Variants in CCDC6 observed in about 807,000 individuals in gnomAD.
CCDC6 encodes the protein coiled-coil domain containing 6.
CCDC6 carries 20 observed loss-of-function variants against 56.6 expected under a neutral mutation model. The ratio of observed to expected loss-of-function variants is 0.35; its 90% CI spans 0.25 to 0.51. The LOEUF (loss-of-function observed/expected upper bound fraction) is 0.51, where lower values mean the gene tolerates loss of function less well. Ranked by LOEUF, CCDC6 falls within the 20% of genes least tolerant of loss-of-function variation. The pLI, the probability that CCDC6 is intolerant of heterozygous loss-of-function variation, is 0.95. For missense variants in CCDC6, 367 were observed against 601.1 expected (o/e 0.61, Z 4.07); for synonymous variants, 241 against 234.4 (o/e 1.03, Z -0.26).
At chr10:59,804,288 G>T in intron 7 of CCDC6, 132 bp downstream of exon 7, 1 of 610,276 alleles carries the variant, frequency 1.6e-6, no homozygotes, top group Non-Finnish European at 3.0e-6. Context: ...ATGAGTTTTT[G>T]ATGTTTTTGA....
chr10:59,852,486 T>G, intron 2 of CCDC6, 67 bp downstream of exon 2: 2 of 1,354,444 alleles, frequency 1.5e-6, no homozygotes, highest in Non-Finnish European at 2.0e-6. Context: ...AAGTGCTATA[T>G]CAAAGTCATT....
intron 2 of CCDC6, among the ~76,000 whole-genome samples, chr10:59,834,363 T>C (rs999174766): frequency 4.1e-5 from 6 of 145,114 alleles, no homozygotes; most frequent in Non-Finnish European, 5.9e-5. Flanking sequence ...TGAAACCCTG[T>C]CTCTACTAAA....
At chr10:59,903,124 A>G (rs1272291047) in intron 1 of CCDC6, among the ~76,000 whole-genome samples, 1 of 152,128 alleles carries the variant, frequency 6.6e-6, no homozygotes, top group Non-Finnish European at 1.5e-5. Flanking sequence ...AGGAGAGAGT[A>G]AAAAAAATCA....
At chr10:59,810,468 G>T (rs1013572445) in intron 5 of CCDC6, among the ~76,000 whole-genome samples, 1 of 150,698 alleles carries the variant, frequency 6.6e-6, no homozygotes, top group Non-Finnish European at 1.5e-5. Context: ...TTTTGCTAGG[G>T]GCACGATGGA....
At chr10:59,811,591 GAGAA>G (rs2070672257) in intron 5 of CCDC6, among the ~76,000 whole-genome samples, 1 of 152,160 alleles carries the variant, frequency 6.6e-6, no homozygotes, top group Non-Finnish European at 1.5e-5. Context: ...TAAGCGAAAA[GAGAA>G]AGGTGTAAAT....
chr10:59,893,533 G>C (rs551989630), intron 1 of CCDC6, among the ~76,000 whole-genome samples: 2 of 152,104 alleles, frequency 1.3e-5, no homozygotes, highest in Admixed American at 6.6e-5. Flanking sequence ...TTGAGCCCAG[G>C]AGGCAGAGCC....
intron 2 of CCDC6, among the ~76,000 whole-genome samples, chr10:59,834,921 G>T (rs778910291): frequency 6.6e-6 from 1 of 152,184 alleles, no homozygotes; most frequent in East Asian, 1.9e-4. Flanking sequence ...GTTCATCTGC[G>T]CCTAAGGCTT....
chr10:59,849,038 T>C (rs1237892427), intron 2 of CCDC6, among the ~76,000 whole-genome samples: 1 of 152,234 alleles, frequency 6.6e-6, no homozygotes, highest in Non-Finnish European at 1.5e-5. Context: ...TCTGATAATT[T>C]TGCTCACAAA....
intron 7 of CCDC6, among the ~76,000 whole-genome samples, chr10:59,795,705 CTA>C (rs1336771696): frequency 6.7e-6 from 1 of 148,316 alleles, no homozygotes; most frequent in Admixed American, 6.9e-5. Flanking sequence ...CAATTCCCAC[CTA>C]TGAGTCAGAA....
chr10:59,830,845 G>A (rs965123851), intron 3 of CCDC6, among the ~76,000 whole-genome samples: 1 of 152,112 alleles, frequency 6.6e-6, no homozygotes, highest in East Asian at 1.9e-4. Flanking sequence ...TCTGGGTCAC[G>A]GTCCTAGTTT....
chr10:59,885,197 TTA>T (rs946011166), intron 1 of CCDC6, among the ~76,000 whole-genome samples: 19 of 152,234 alleles, frequency 1.2e-4, no homozygotes, highest in Admixed American at 3.3e-4. Flanking sequence ...GATACATTTG[TTA>T]TATCTACAAT....
In CCDC6 at chr10:59,789,205, G is replaced by A. The variant is rs2132616136; in HGVS notation, c.*3712C>T. The A allele has an allele frequency of 4.3e-6, 1 of 231,122 alleles. No individual in the cohort carries two copies. Among genetic ancestry groups the A allele is most frequent in the East Asian group, 6.2e-5 (1 of 16,242 alleles). 14.3% of individuals were successfully genotyped at this position (231,122 alleles called of 1,614,324 possible). On this transcript the variant is annotated 3_prime_UTR_variant, in exon 9 of 9. Coordinates refer to ENST00000263102, the MANE Select transcript of CCDC6 (RefSeq NM_005436.5). ...AGACCGAGATGTACAATACAATCTA[G>A]ATGACGGTGCAGACTAAGTCAAGAA...
Position 59,852,673 on chromosome 10 carries a change from G to T in CCDC6, c.333C>A (p.Phe111Leu). The part of the protein sequence containing the change: ...IQARAEQEEE[F>L]ISNTLFKKIQ... Reference sequence around the variant, plus strand: ...TTTTCTTGAATAAAGTGTTACTAATGAATTCTTCTTCCTGCTCAGCCCTGG... The same window carrying T: ...TTTTCTTGAATAAAGTGTTACTAATTAATTCTTCTTCCTGCTCAGCCCTGG... Residue 111 changes from phenylalanine to leucine, a missense_variant, in exon 2 of 9, where the codon TTC becomes TTA. Transcript: ENST00000263102. 1 of 1,591,770 alleles carries T rather than the reference G, an allele frequency of 6.3e-7. No individual in the cohort carries two copies. Among genetic ancestry groups the T allele is most frequent in the Non-Finnish European group, 8.5e-7 (1 of 1,171,306 alleles).
At chr10:59,827,619 G>A (rs1216620828) in intron 3 of CCDC6, among the ~76,000 whole-genome samples, 3 of 152,110 alleles carry the variant, frequency 2.0e-5, no homozygotes, top group Non-Finnish European at 4.4e-5. Flanking sequence ...TAAACTACAC[G>A]GGCTAAGATA....
chr10:59,812,994 C>T (rs1289476569), intron 4 of CCDC6, among the ~76,000 whole-genome samples, 199 bp from the exon 5 acceptor site: 3 of 152,192 alleles, frequency 2.0e-5, no homozygotes, highest in African/African-American at 7.2e-5. Context: ...AGAGCTGATT[C>T]TAATCTCCCT....
intron 2 of CCDC6, among the ~76,000 whole-genome samples, chr10:59,851,860 C>G (rs895176596): frequency 2.6e-5 from 4 of 151,756 alleles, no homozygotes; most frequent in Non-Finnish European, 4.4e-5. Context: ...TAAGTTCATA[C>G]TAACCCACAA....
At chr10:59,797,286 G>C (rs915228046) in intron 7 of CCDC6, among the ~76,000 whole-genome samples, 1 of 151,984 alleles carries the variant, frequency 6.6e-6, no homozygotes, top group Non-Finnish European at 1.5e-5. Context: ...ATAAACTACA[G>C]AGAGTTGCTG....
chr10:59,792,947 T>C lies in CCDC6; in HGVS notation c.1395A>G (p.Gln465=). ...SAATSQPTPS[Q]HSAHPSSQP The stretch of plus-strand genomic sequence containing the variant: ...GCTGGGAGGAGGGGTGCGCCGAATG[T>C]TGCGAAGGAGTAGGCTGCGAGGTGG... The change falls in exon 9 of 9, where the codon CAA becomes CAG. Residue 465 remains glutamine (Q), a synonymous_variant. Coordinates refer to ENST00000263102, the MANE Select transcript of CCDC6 (RefSeq NM_005436.5). 5 of 1,611,520 alleles carry C rather than the reference T, an allele frequency of 3.1e-6. No individual in the cohort carries two copies. The highest frequency in any genetic ancestry group is 2.2e-5 in the East Asian group (1 of 44,868).
chr10:59,793,517 C>T (rs552901110), intron 8 of CCDC6, among the ~76,000 whole-genome samples: 3 of 152,334 alleles, frequency 2.0e-5, no homozygotes, highest in Non-Finnish European at 4.4e-5. Flanking sequence ...GGTGCAGTGG[C>T]TCACACCTGT....
Sources: allele counts gnomAD v4.1 joint callset (sites outside exome capture counted in the v4.1 genomes callset), GRCh38; gene constraint gnomAD v4.1.1; transcripts MANE v1.5; gene names NCBI Gene and HGNC (gene_info 2026-07-23, HGNC 2026-07-21).